The following CORO1C variants were observed in gnomAD, a reference collection of about 807,000 sequenced individuals.
CORO1C encodes the protein coronin 1C, also known as coronin-1C.
In CORO1C, 14 loss-of-function variants were observed where a neutral mutation model predicts 51.2. The ratio of observed to expected loss-of-function variants is 0.27; its 90% CI spans 0.18 to 0.43. The LOEUF is 0.43. Ranked by LOEUF, CORO1C falls within the 20% of genes least tolerant of loss-of-function variation. CORO1C has a pLI of 1.00. For missense variants in CORO1C, 417 were observed against 607.8 expected (o/e 0.69, Z 3.30); for synonymous variants, 181 against 210.5 (o/e 0.86, Z 1.21).
chr12:108,667,458 A>G (rs1246785328), intron 3 of CORO1C, among the ~76,000 whole-genome samples: 1 of 152,236 alleles, frequency 6.6e-6, no homozygotes, highest in Non-Finnish European at 1.5e-5. Context: ...ATCTCAGTGC[A>G]GCAGAGAGTA....
chr12:108,646,678 C>T lies in CORO1C; in HGVS notation c.*725G>A, dbSNP rs1426348948. On this transcript the variant is annotated 3_prime_UTR_variant, in exon 11 of 11. Coordinates refer to ENST00000261401, the MANE Select transcript of CORO1C (RefSeq NM_014325.4). ...AGAGAAAGGAAAAGAAGAAATACGA[C>T]GTGAGCTTTTTTGATCAGAAGACTC... 1.3e-5 allele frequency: 2 copies of T among 152,094 alleles called. No individual in the cohort carries two copies. Among genetic ancestry groups the T allele is most frequent in the African/African-American group, 2.4e-5 (1 of 41,392 alleles). The allele number at this position is 152,094 out of a possible 1,614,324, so 9.4% of individuals were successfully genotyped here.
intron 2 of CORO1C, among the ~76,000 whole-genome samples, chr12:108,694,924 A>G (rs2034624806): frequency 6.6e-6 from 1 of 152,258 alleles, no homozygotes. Flanking sequence ...CTAAGAATAT[A>G]TGTATTAGTT....
At position 108,668,271 on chromosome 12, in the gene CORO1C, G is replaced by A. The variant is rs548989054; in HGVS notation, c.319-6113C>T. Reference sequence around the variant, plus strand: ...TGACGTGCAGAGTGGCACCGAGTTCGGGAAAACCAAGAACCGAGTGTTGGG... The same window carrying A: ...TGACGTGCAGAGTGGCACCGAGTTCAGGAAAACCAAGAACCGAGTGTTGGG... On this transcript the variant is annotated intron_variant, in intron 3 of 10. Transcript: ENST00000261401. 7.8e-4 allele frequency among the ~76,000 whole-genome samples: 119 copies of A among 152,312 alleles called. 1 individual carries two copies. Among genetic ancestry groups the A allele is most frequent in the African/African-American group, 2.7e-3 (112 of 41,564 alleles).
chr12:108,715,982 T>C (rs1370156131), intron 1 of CORO1C, among the ~76,000 whole-genome samples: 3 of 151,232 alleles, frequency 2.0e-5, no homozygotes, highest in Non-Finnish European at 4.4e-5. Context: ...AATGCAAAAA[T>C]TGGCCAGGCG....
rs147968320 is a variant in CORO1C, at chr12:108,728,247, A to G, written c.-6+3182T>C. 3.7e-3 allele frequency among the ~76,000 whole-genome samples: 565 copies of G among 152,316 alleles called. 5 individuals carry two copies. Among genetic ancestry groups the G allele is most frequent in the African/African-American group, 0.013 (536 of 41,570 alleles). The stretch of plus-strand genomic sequence containing the variant: ...ACGTATGTTCACAGCATTATTCATA[A>G]TAGCCAAAAAGGAAAAACACCCAAA... On this transcript the variant is annotated intron_variant, in intron 1 of 10. Coordinates refer to ENST00000261401, the MANE Select transcript of CORO1C (RefSeq NM_014325.4).
At chr12:108,660,720 G>C (rs1181375511) in intron 4 of CORO1C, among the ~76,000 whole-genome samples, 1 of 152,126 alleles carries the variant, frequency 6.6e-6, no homozygotes, top group Non-Finnish European at 1.5e-5. Flanking sequence ...TGATGAGAAA[G>C]GTAGCAGGGA....
At chr12:108,712,371 C>T (rs1016420019) in intron 1 of CORO1C, among the ~76,000 whole-genome samples, 3 of 151,760 alleles carry the variant, frequency 2.0e-5, no homozygotes, top group Non-Finnish European at 2.9e-5. Flanking sequence ...CTCAGGAATT[C>T]GAGACCAGCC....
At chr12:108,697,359 A>G (rs1398549513) in intron 2 of CORO1C, among the ~76,000 whole-genome samples, 2 of 152,222 alleles carry the variant, frequency 1.3e-5, no homozygotes, top group African/African-American at 2.4e-5. Context: ...CCCATGAGAT[A>G]ATTATTAAAA....
rs146275653 is a variant in CORO1C at position 108,680,671 on chromosome 12, T to A, written c.196-2277A>T. Reference sequence around the variant, plus strand: ...TGAGGACTAAATGAGACAATCAAGGTAAAGAACTTGGTTCTGCCCCAGCAC... The same window carrying A: ...TGAGGACTAAATGAGACAATCAAGGAAAAGAACTTGGTTCTGCCCCAGCAC... On this transcript the variant is annotated intron_variant, in intron 2 of 10. Transcript: ENST00000261401. 6.4e-3 allele frequency among the ~76,000 whole-genome samples: 968 copies of A among 152,324 alleles called. 6 individuals are homozygous for A. The highest frequency in any genetic ancestry group is 1.0e-2 in the Non-Finnish European group (680 of 68,034).
intron 2 of CORO1C, among the ~76,000 whole-genome samples, chr12:108,689,917 C>T (rs1166013416): frequency 6.6e-6 from 1 of 152,196 alleles, no homozygotes; most frequent in Non-Finnish European, 1.5e-5. Flanking sequence ...AAGTTTTCAG[C>T]CCAAGCATAA....
intron 4 of CORO1C, among the ~76,000 whole-genome samples, chr12:108,661,478 G>A (rs1205928669): frequency 6.6e-6 from 1 of 152,118 alleles, no homozygotes; most frequent in African/African-American, 2.4e-5. Context: ...CTTTCGGAAA[G>A]AAACATCAAA....
intron 1 of CORO1C, among the ~76,000 whole-genome samples, chr12:108,706,209 A>G (rs1188759368): frequency 6.6e-6 from 1 of 152,030 alleles, no homozygotes; most frequent in East Asian, 1.9e-4. Context: ...AAAAAACAAA[A>G]AAAAAGCATT....
intron 2 of CORO1C, among the ~76,000 whole-genome samples, chr12:108,689,686 C>T (rs1357010421): frequency 1.3e-5 from 2 of 152,248 alleles, no homozygotes; most frequent in African/African-American, 2.4e-5. Flanking sequence ...AGATACTTTA[C>T]ATGACCTGAC....
intron 1 of CORO1C, among the ~76,000 whole-genome samples, chr12:108,728,152 A>G (rs905553560): frequency 1.3e-5 from 2 of 152,206 alleles, no homozygotes; most frequent in African/African-American, 2.4e-5. Context: ...CATTCCTCCA[A>G]TAGTTAAATA....
chr12:108,724,741 G>GA (rs1235606508), intron 1 of CORO1C, among the ~76,000 whole-genome samples: 2 of 152,114 alleles, frequency 1.3e-5, no homozygotes, highest in Admixed American at 1.3e-4. Context: ...GACCAAAGGG[G>GA]AAAAAATATA....
chr12:108,679,710 G>A (rs756953744), intron 2 of CORO1C, among the ~76,000 whole-genome samples: 2 of 152,208 alleles, frequency 1.3e-5, no homozygotes, highest in African/African-American at 2.4e-5. Flanking sequence ...CAAATCTCCA[G>A]GAAAGCAGAA....
intron 2 of CORO1C, among the ~76,000 whole-genome samples, chr12:108,694,778 A>G (rs767575634): frequency 2.0e-4 from 18 of 92,204 alleles, no homozygotes; most frequent in Non-Finnish European, 2.7e-4. Context: ...TATAGATATT[A>G]TATTTCTACG....
At chr12:108,704,608 G>C (rs958166785) in intron 1 of CORO1C, among the ~76,000 whole-genome samples, 8 of 152,204 alleles carry the variant, frequency 5.3e-5, no homozygotes, top group Admixed American at 1.3e-4. Context: ...AGTAAGAAAA[G>C]CCAGTGCTTC....
At chr12:108,672,546 C>G (rs2033757432) in intron 3 of CORO1C, among the ~76,000 whole-genome samples, 1 of 152,016 alleles carries the variant, frequency 6.6e-6, no homozygotes, top group African/African-American at 2.4e-5. Context: ...CCTGCATTCT[C>G]TGTGTGAAAG....
Sources: gnomAD v4.1 joint callset for allele counts (sites outside exome capture counted in the v4.1 genomes callset) on GRCh38, gnomAD v4.1.1 for gene constraint, MANE v1.5 for transcripts, NCBI Gene and HGNC (gene_info 2026-07-23, HGNC 2026-07-21) for gene names.